The following ZNF438 variants were observed in gnomAD, a reference collection of about 807,000 sequenced individuals.
ZNF438 encodes zinc finger protein 438.
ZNF438 carries 25 observed loss-of-function variants against 38.0 expected under a neutral mutation model. The ratio of observed to expected loss-of-function variants is 0.66; its 90% confidence interval spans 0.48 to 0.92. The LOEUF (loss-of-function observed/expected upper bound fraction) is 0.92, where lower values mean the gene tolerates loss of function less well. ZNF438 is among the 40% of genes least tolerant of loss of function. The pLI, the probability that ZNF438 is intolerant of heterozygous loss-of-function variation, is 0.00. For synonymous variants in ZNF438, 372 were observed against 364.1 expected, an observed-to-expected ratio of 1.02 and a Z score of -0.25; for missense variants, 1,007 against 999.6, an observed-to-expected ratio of 1.01 and a Z score of -0.10.
chr10:30,933,533 G>A (rs1239054037), intron 2 of ZNF438, among the ~76,000 whole-genome samples: 7 of 152,258 alleles, frequency 4.6e-5, no homozygotes, highest in South Asian at 2.1e-4. Context: ...TGGGAGGGTC[G>A]CTTGAGCCTA....
intron 1 of ZNF438, among the ~76,000 whole-genome samples, chr10:31,017,350 G>A (rs1395527177): frequency 6.6e-6 from 1 of 152,162 alleles, no homozygotes; most frequent in Non-Finnish European, 1.5e-5. Context: ...ACTTGGAAGA[G>A]TATATGCTCC....
chr10:31,011,873 C>CCTA, intron 1 of ZNF438, among the ~76,000 whole-genome samples: 1 of 152,298 alleles, frequency 6.6e-6, no homozygotes, highest in Non-Finnish European at 1.5e-5. Flanking sequence ...TGAATAGAAT[C>CCTA]CTAGGTCCTT....
intron 4 of ZNF438, chr10:30,857,821 A>G: frequency 7.7e-7 from 1 of 1,294,760 alleles, no homozygotes; most frequent in Non-Finnish European, 1.0e-6. Flanking sequence ...GGAGGAAAGA[A>G]TGAGGGCTCA....
At chr10:30,875,341 C>G in intron 4 of ZNF438, 1 of 985,332 alleles carries the variant, frequency 1.0e-6, no homozygotes, top group Non-Finnish European at 1.2e-6. Context: ...CTTTTTAGAG[C>G]CTGAAAGGAA....
At chr10:31,004,440 AG>A (rs1474013853) in intron 1 of ZNF438, among the ~76,000 whole-genome samples, 1 of 152,222 alleles carries the variant, frequency 6.6e-6, no homozygotes, top group Non-Finnish European at 1.5e-5. Flanking sequence ...AAAGGCCAAG[AG>A]ACAAGTGTTT....
At chr10:30,913,039 C>T (rs758917733) in intron 2 of ZNF438, among the ~76,000 whole-genome samples, 1 of 151,994 alleles carries the variant, frequency 6.6e-6, no homozygotes, top group Non-Finnish European at 1.5e-5. Flanking sequence ...TATAACTTTA[C>T]CCCAAGGTCC....
chr10:31,010,892 G>GAAAAAAAAAAAAAA (rs563189482), intron 1 of ZNF438, among the ~76,000 whole-genome samples: 23 of 92,586 alleles, frequency 2.5e-4, no homozygotes, highest in Admixed American at 3.6e-4. Context: ...GACCCTGTTT[G>GAAAAAAAAAAAAAA]AAAAAAAAAA....
intron 1 of ZNF438, among the ~76,000 whole-genome samples, chr10:30,997,835 C>T (rs1480550344): frequency 6.6e-6 from 1 of 152,078 alleles, no homozygotes; most frequent in Non-Finnish European, 1.5e-5. Context: ...GGAGTTAAAG[C>T]TGCCATCTTG....
At chr10:30,850,494 C>T in intron 4 of ZNF438, 127 bp from the exon 6 acceptor site, 2 of 1,067,258 alleles carry the variant, frequency 1.9e-6, no homozygotes, top group South Asian at 1.9e-5. Flanking sequence ...GCCTTCTGGG[C>T]AAAATCTTGT....
exon 5 of ZNF438, chr10:30,849,551 G>C: frequency 6.2e-7 from 1 of 1,614,240 alleles, no homozygotes; most frequent in Non-Finnish European, 8.5e-7. Flanking sequence ...GGGGACTGAA[G>C]AGATCAACTG....
intron 3 of ZNF438, among the ~76,000 whole-genome samples, chr10:30,903,827 A>G (rs1468330645): frequency 6.6e-6 from 1 of 152,106 alleles, no homozygotes; most frequent in Admixed American, 6.5e-5. Flanking sequence ...TTTTTTAATG[A>G]TTTGCTTTTG....
chr10:30,906,279 C>T (rs1458924302), intron 3 of ZNF438, among the ~76,000 whole-genome samples: 2 of 152,080 alleles, frequency 1.3e-5, no homozygotes, highest in African/African-American at 4.8e-5. Context: ...ACTTCTTTTG[C>T]TTATTTGTAA....
At chr10:30,976,654 T>A (rs546941519) in intron 1 of ZNF438, among the ~76,000 whole-genome samples, 1 of 152,218 alleles carries the variant, frequency 6.6e-6, no homozygotes, top group East Asian at 1.9e-4. Flanking sequence ...ATTGCCCACT[T>A]GAGCCCTAGA....
chr10:30,945,135 A>C (rs962073779), intron 1 of ZNF438, among the ~76,000 whole-genome samples: 2 of 151,784 alleles, frequency 1.3e-5, no homozygotes, highest in African/African-American at 4.8e-5. Context: ...ACTAACTGTA[A>C]TAGCTTTATC....
intron 1 of ZNF438, among the ~76,000 whole-genome samples, chr10:30,982,423 C>T (rs2052317060): frequency 6.6e-6 from 1 of 152,014 alleles, no homozygotes. Flanking sequence ...TCTCAACTTC[C>T]CAACCAAGGT....
chr10:30,989,582 G>T (rs1263415163), intron 1 of ZNF438, among the ~76,000 whole-genome samples: 1 of 152,176 alleles, frequency 6.6e-6, no homozygotes, highest in African/African-American at 2.4e-5. Context: ...CTAAATGGTT[G>T]CTGAATAAAC....
intron 2 of ZNF438, chr10:30,919,235 C>G (rs376813361): frequency 6.6e-6 from 1 of 152,194 alleles, no homozygotes; most frequent in African/African-American, 2.4e-5. Context: ...GTACGAGGAT[C>G]TAAGAGTGAA....
intron 4 of ZNF438, among the ~76,000 whole-genome samples, chr10:30,859,358 G>C (rs1248125793): frequency 1.3e-5 from 2 of 152,266 alleles, no homozygotes; most frequent in South Asian, 4.1e-4. Context: ...GATTACAGGC[G>C]TGAGCCACTG....
intron 4 of ZNF438, 113 bp from the exon 6 acceptor site, chr10:30,850,480 C>A: frequency 1.6e-6 from 2 of 1,265,908 alleles, no homozygotes; most frequent in Non-Finnish European, 2.1e-6. Flanking sequence ...TGACCTACCT[C>A]CAAGCCTTCT....
Sources: gnomAD v4.1 joint callset for allele counts (sites outside exome capture counted in the v4.1 genomes callset) on GRCh38, gnomAD v4.1.1 for gene constraint, MANE v1.5 for transcripts, NCBI Gene and HGNC (gene_info 2026-07-23, HGNC 2026-07-21) for gene names.